The following RPS17 variants were observed in gnomAD, a reference collection of about 807,000 sequenced individuals.
The protein encoded by RPS17 is ribosomal protein S17, also known as small ribosomal subunit protein eS17.
For missense variants in RPS17, 68 were observed against 182.3 expected (o/e 0.37, Z 3.61); for synonymous variants, 75 against 65.6 (o/e 1.14, Z -0.70).
intron 2 of RPS17, chr15:82,539,460 G>A: frequency 2.2e-6 from 1 of 459,176 alleles, no homozygotes; most frequent in Non-Finnish European, 4.4e-6. Context: ...GGCCGAGGCG[G>A]GCGGATCGCT....
In RPS17 at chr15:82,539,072, C is replaced by T. The variant is rs1450387562; in HGVS notation, c.156-87G>A. On this transcript the variant is annotated intron_variant, in intron 2 of 4. Coordinates refer to ENST00000647841, the MANE Select transcript of RPS17 (RefSeq NM_001021.6). ...GAGCACATGTGCATATATAAATACCCGCTTTAGTTCTTTTCCACAGTGAGA... is the reference window on the plus strand; with the variant it reads ...GAGCACATGTGCATATATAAATACCTGCTTTAGTTCTTTTCCACAGTGAGA... 131 of 1,292,872 alleles carry T rather than the reference C, an allele frequency of 1.0e-4. 1 individual carries two copies. In the East Asian group the frequency reaches 2.9e-3, roughly 29 times the overall value. 80.1% of individuals were successfully genotyped at this position (1,292,872 alleles called of 1,614,324 possible).
At chr15:82,538,801 G>A (rs1040231549) in intron 3 of RPS17, 79 bp downstream of exon 3, 35 of 1,439,452 alleles carry the variant, frequency 2.4e-5, no homozygotes, top group Non-Finnish European at 3.2e-5. Context: ...AGATTCAGCT[G>A]AGGTCCCTTT....
At chr15:82,539,705 A>C (rs2034310164) in intron 2 of RPS17, 2 of 588,886 alleles carry the variant, frequency 3.4e-6, no homozygotes, top group African/African-American at 3.7e-5. Context: ...AAAAGAAAAA[A>C]AAGAAAGAAA....
intron 2 of RPS17, 96 bp from the exon 3 acceptor site, chr15:82,539,081 T>C: frequency 8.1e-7 from 1 of 1,238,054 alleles, no homozygotes. Flanking sequence ...CCGCTTTAGT[T>C]CTTTTCCACA....
chr15:82,536,763 C>T lies in RPS17; in HGVS notation c.*38G>A. Reference sequence around the variant, plus strand: ...GATGACACAGGCAAGGCTGTTGTCCCAGATTTATTGAAAATAATACAGCAC... The same window carrying T: ...GATGACACAGGCAAGGCTGTTGTCCTAGATTTATTGAAAATAATACAGCAC... On this transcript the variant is annotated 3_prime_UTR_variant, in exon 5 of 5. Coordinates refer to ENST00000647841, the MANE Select transcript of RPS17 (RefSeq NM_001021.6). 6.2e-7 allele frequency: 1 copy of T among 1,612,116 alleles called. No individual in the cohort carries two copies. Among genetic ancestry groups the T allele is most frequent in the East Asian group, 2.2e-5 (1 of 44,872 alleles).
At chr15:82,538,529 C>G (rs1028992660) in intron 3 of RPS17, 158 bp from the exon 4 acceptor site, 5 of 832,228 alleles carry the variant, frequency 6.0e-6, no homozygotes, top group Non-Finnish European at 1.0e-5. Flanking sequence ...TTACAGACCC[C>G]GATGACCTGT....
chr15:82,539,173 TCTCA>T (rs2034295369), intron 2 of RPS17, 188 bp from the exon 3 acceptor site: 1 of 710,812 alleles, frequency 1.4e-6, no homozygotes, highest in Non-Finnish European at 2.6e-6. Flanking sequence ...CCCCTTGGTT[TCTCA>T]CTCTCTATTC....
At chr15:82,539,553 G>C (rs2034305990) in intron 2 of RPS17, 9 of 438,606 alleles carry the variant, frequency 2.1e-5, no homozygotes, top group South Asian at 1.5e-4. Flanking sequence ...GCCGAGTGTG[G>C]TAGCACGTGC....
rs770348460 is a variant in RPS17, at chr15:82,540,429, G to T, written c.-1C>A. On this transcript the variant is annotated 5_prime_UTR_variant, in exon 1 of 5. Coordinates refer to ENST00000647841, the MANE Select transcript of RPS17 (RefSeq NM_001021.6). Reference sequence around the variant, plus strand: ...GGCCTCGAGCCAAAACACCTACCATGTTGGCGGGTCCTTGGTAAAAGAGGA... The same window carrying T: ...GGCCTCGAGCCAAAACACCTACCATTTTGGCGGGTCCTTGGTAAAAGAGGA... The T allele has an allele frequency of 8.1e-6, 13 of 1,595,878 alleles. No homozygotes were observed. In the African/African-American group the frequency reaches 1.2e-4, roughly 15 times the overall value.
At chr15:82,539,958 A>C in intron 2 of RPS17, 23 bp downstream of exon 2, 3 of 1,612,026 alleles carry the variant, frequency 1.9e-6, no homozygotes, top group South Asian at 1.1e-5. Context: ...GGAGCCCCGG[A>C]GGCCGAGGAA....
chr15:82,540,001 C>T lies in RPS17; in HGVS notation c.135G>A (p.Lys45=). The T allele has an allele frequency of 1.9e-6, 3 of 1,612,140 alleles. No homozygotes were observed. The highest frequency in any genetic ancestry group is 2.2e-5 in the East Asian group (1 of 44,874). The change falls in exon 2 of 5, where the codon AAG becomes AAA. Residue 45 remains lysine, a synonymous_variant. Coordinates refer to ENST00000647841, the MANE Select transcript of RPS17 (RefSeq NM_001021.6). ...CEEIAIIPSK[K]LRNKIAGYVT... is the part of the protein sequence containing the mutation. ...CTCACCCTGCTATCTTGTTGCGGAG[C>T]TTTTTGCTGGGGATAATGGCGATCT...
rs762051874 is a variant in RPS17 at position 82,540,457 on chromosome 15, C to G, written c.-29G>C. On this transcript the variant is annotated 5_prime_UTR_variant, in exon 1 of 5. Coordinates refer to ENST00000647841, the MANE Select transcript of RPS17 (RefSeq NM_001021.6). Reference sequence around the variant, plus strand: ...GGCGGGTCCTTGGTAAAAGAGGAAACAGGAAGCACAGGCGAAGCCTGTTAA... The same window carrying G: ...GGCGGGTCCTTGGTAAAAGAGGAAAGAGGAAGCACAGGCGAAGCCTGTTAA... 6.1e-4 allele frequency: 963 copies of G among 1,586,064 alleles called. 1 individual carries two copies. The highest frequency in any genetic ancestry group is 7.7e-4 in the Non-Finnish European group (903 of 1,167,460).
At chr15:82,538,534 A>G (rs2034280178) in intron 3 of RPS17, 163 bp from the exon 4 acceptor site, 3 of 819,018 alleles carry the variant, frequency 3.7e-6, no homozygotes, top group Non-Finnish European at 6.2e-6. Flanking sequence ...GACCCCGATG[A>G]CCTGTTCTTC....
At position 82,536,808 on chromosome 15, in the gene RPS17, G is replaced by A; in HGVS notation, c.401C>T (p.Pro134Leu). The change falls in exon 5 of 5, where the codon CCT (proline) becomes CTT (leucine). Residue 134 changes from proline (P) to leucine (L), a missense_variant. Pro to Leu is a moderately conservative substitution (Grantham distance 98). Transcript: ENST00000647841. ...CAGCACTACAGAAAAAATTCAAACAGGTCCCCGAGGCGTTTTGAAATTCAT... is the reference window on the plus strand; with the variant it reads ...CAGCACTACAGAAAAAATTCAAACAAGTCCCCGAGGCGTTTTGAAATTCAT... ...VGMNFKTPRG[P>L]V 1.9e-6 allele frequency: 3 copies of A among 1,613,962 alleles called. No individual in the cohort carries two copies. The highest frequency in any genetic ancestry group is 2.5e-6 in the Non-Finnish European group (3 of 1,179,866).
chr15:82,536,969 G>A (rs1231646603), intron 4 of RPS17, 88 bp from the exon 5 acceptor site: 2 of 1,517,128 alleles, frequency 1.3e-6, no homozygotes, highest in Non-Finnish European at 9.2e-7. Flanking sequence ...TAGAGCCACA[G>A]CACTCTCAAG....
At chr15:82,539,586 G>A in intron 2 of RPS17, 1 of 417,720 alleles carries the variant, frequency 2.4e-6, no homozygotes, top group South Asian at 1.9e-5. Context: ...CTACTGGGAA[G>A]GCTGAGGCAT....
intron 4 of RPS17, chr15:82,537,437 T>C (rs1209555103): frequency 7.5e-6 from 2 of 266,704 alleles, no homozygotes; most frequent in Non-Finnish European, 7.2e-6. Flanking sequence ...ACTAATCTAA[T>C]CAACATTTGT....
At chr15:82,538,657 A>T (rs1436482808) in intron 3 of RPS17, 19 of 658,770 alleles carry the variant, frequency 2.9e-5, no homozygotes, top group African/African-American at 5.5e-5. Context: ...CAGTCATCAA[A>T]TCAACATTAA....
At position 82,540,436 on chromosome 15, in the gene RPS17, G is replaced by A; in HGVS notation, c.-8C>T. Reference sequence around the variant, plus strand: ...AGCCAAAACACCTACCATGTTGGCGGGTCCTTGGTAAAAGAGGAAACAGGA... The same window carrying A: ...AGCCAAAACACCTACCATGTTGGCGAGTCCTTGGTAAAAGAGGAAACAGGA... On this transcript the variant is annotated 5_prime_UTR_variant, in exon 1 of 5. Transcript: ENST00000647841. 3 of 1,594,322 alleles carry A rather than the reference G, an allele frequency of 1.9e-6. No homozygotes were observed. The highest frequency in any genetic ancestry group is 1.8e-5 in the Admixed American group (1 of 55,342).
Sources: allele counts gnomAD v4.1 joint callset, GRCh38; gene constraint gnomAD v4.1.1; transcripts MANE v1.5; gene names NCBI Gene and HGNC (gene_info 2026-07-23, HGNC 2026-07-21).